The following CATSPERT variants were observed in gnomAD, a reference collection of about 807,000 sequenced individuals.
CATSPERT encodes the protein cation channel sperm-associated targeting subunit tau.
the CATSPERT span, among the ~76,000 whole-genome samples, chr2:201,516,156 A>G: frequency 1.3e-5 from 2 of 152,224 alleles, no homozygotes; most frequent in Non-Finnish European, 2.9e-5. Context: ...AGACAGTTGA[A>G]GCACAATGGT....
chr2:201,566,546 T>C, the CATSPERT span, among the ~76,000 whole-genome samples: 1 of 152,112 alleles, frequency 6.6e-6, no homozygotes, highest in Non-Finnish European at 1.5e-5. Context: ...CATCCTTTTT[T>C]ATGGCTGCAT....
chr2:201,536,591 A>T, the CATSPERT span, among the ~76,000 whole-genome samples: 1 of 151,898 alleles, frequency 6.6e-6, no homozygotes, highest in Non-Finnish European at 1.5e-5. Context: ...AAAATAAAAA[A>T]TCTGAGGGTC....
At chr2:201,545,628 G>GCAAAAA in the CATSPERT span, 1 of 174,834 alleles carries the variant, frequency 5.7e-6, no homozygotes, top group African/African-American at 1.5e-4. Flanking sequence ...TTTCCTAGAA[G>GCAAAAA]CAAAAAAAAA....
the CATSPERT span, among the ~76,000 whole-genome samples, chr2:201,567,196 G>C: frequency 6.6e-6 from 1 of 152,130 alleles, no homozygotes; most frequent in Non-Finnish European, 1.5e-5. Flanking sequence ...AGCAACAAAT[G>C]TATACCCAGT....
At chr2:201,604,926 T>C in the CATSPERT span, among the ~76,000 whole-genome samples, 1 of 152,150 alleles carries the variant, frequency 6.6e-6, no homozygotes, top group East Asian at 1.9e-4. Context: ...GAAAAGTACA[T>C]AGTTCTTCAG....
the CATSPERT span, among the ~76,000 whole-genome samples, chr2:201,488,068 G>T: frequency 1.3e-5 from 2 of 152,164 alleles, no homozygotes; most frequent in African/African-American, 4.8e-5. Context: ...AACACTGAAC[G>T]TTTCTTAGGC....
At chr2:201,556,450 A>G in the CATSPERT span, among the ~76,000 whole-genome samples, 1 of 151,028 alleles carries the variant, frequency 6.6e-6, no homozygotes, top group Non-Finnish European at 1.5e-5. Context: ...CGGAGCTTGC[A>G]GTGAGCCGAG....
the CATSPERT span, among the ~76,000 whole-genome samples, chr2:201,541,672 T>C: frequency 6.6e-6 from 1 of 150,932 alleles, no homozygotes; most frequent in East Asian, 1.9e-4. Flanking sequence ...CTCAGCTTAC[T>C]GCAACCTCCA....
the CATSPERT span, among the ~76,000 whole-genome samples, chr2:201,617,745 A>G: frequency 3.3e-5 from 5 of 152,246 alleles, no homozygotes; most frequent in Non-Finnish European, 7.3e-5. Context: ...GCACAGCAAA[A>G]GAAACTAGCA....
the CATSPERT span, chr2:201,534,651 A>G: frequency 1.0e-6 from 1 of 984,642 alleles, no homozygotes; most frequent in East Asian, 1.1e-4. Context: ...AAAGACCATT[A>G]ATACTCAAAT....
chr2:201,614,232 A>C, the CATSPERT span, among the ~76,000 whole-genome samples: 1 of 152,232 alleles, frequency 6.6e-6, no homozygotes, highest in Non-Finnish European at 1.5e-5. Context: ...CTCCTCGAGA[A>C]GAGGAACTCC....
At chr2:201,555,054 G>C in the CATSPERT span, 1 of 152,120 alleles carries the variant, frequency 6.6e-6, no homozygotes, top group Non-Finnish European at 1.5e-5. Context: ...AACTCCAATT[G>C]CTGAATCCAC....
chr2:201,608,816 C>CA, the CATSPERT span, among the ~76,000 whole-genome samples: 1,989 of 70,580 alleles, frequency 0.028, 46 homozygotes, highest in Admixed American at 0.12. Flanking sequence ...GATCCTGTCT[C>CA]AAAAAAAAAA....
the CATSPERT span, among the ~76,000 whole-genome samples, chr2:201,590,298 C>G: frequency 2.6e-5 from 4 of 151,854 alleles, no homozygotes; most frequent in Non-Finnish European, 5.9e-5. Context: ...ATCCATGTCC[C>G]TACAAAGGAC....
At chr2:201,545,630 A>T in the CATSPERT span, 2 of 98,240 alleles carry the variant, frequency 2.0e-5, no homozygotes, top group Non-Finnish European at 3.5e-5. Flanking sequence ...TCCTAGAAGC[A>T]AAAAAAAAAA....
chr2:201,589,959 T>C, the CATSPERT span, among the ~76,000 whole-genome samples: 4 of 151,614 alleles, frequency 2.6e-5, no homozygotes, highest in Non-Finnish European at 4.4e-5. Flanking sequence ...CATAAACGGA[T>C]ACTTTTCTTT....
chr2:201,516,933 T>TA, the CATSPERT span, among the ~76,000 whole-genome samples: 6 of 147,094 alleles, frequency 4.1e-5, no homozygotes, highest in African/African-American at 1.5e-4. Flanking sequence ...AGGAAGGCTT[T>TA]TTTTTTTTTT....
chr2:201,551,505 A>C, the CATSPERT span, among the ~76,000 whole-genome samples: 2 of 152,230 alleles, frequency 1.3e-5, no homozygotes, highest in Non-Finnish European at 2.9e-5. Flanking sequence ...ATGTAAAGAT[A>C]CTGTATTAAA....
At chr2:201,601,781 G>A in the CATSPERT span, 12 of 1,612,098 alleles carry the variant, frequency 7.4e-6, no homozygotes, top group Non-Finnish European at 1.0e-5. Flanking sequence ...TAATTACAGT[G>A]TTCTTCTCAT....
Sources: gnomAD v4.1 joint callset for allele counts (sites outside exome capture counted in the v4.1 genomes callset) on GRCh38, gnomAD v4.1.1 for gene constraint, MANE v1.5 for transcripts, NCBI Gene and HGNC (gene_info 2026-07-23, HGNC 2026-07-21) for gene names.